The following UBXN7 variants were observed in gnomAD, a reference collection of about 807,000 sequenced individuals.
UBXN7 encodes UBX domain-containing protein 7.
A neutral mutation model predicts 58.0 loss-of-function variants in UBXN7; 9 were observed. The observed-to-expected ratio is 0.16, with a 90% confidence interval of 0.09 to 0.27. UBXN7 has a LOEUF of 0.27. Among genes scored for constraint, UBXN7 ranks in the 10% least tolerant of loss-of-function variants. The pLI is 1.00. For synonymous variants in UBXN7, 208 were observed against 205.0 expected (o/e 1.01, Z -0.12); for missense variants, 328 against 599.6 (o/e 0.55, Z 4.73).
chr3:196,432,257 G>A (rs757610036), intron 1 of UBXN7, 70 bp downstream of exon 1: 8 of 1,590,374 alleles, frequency 5.0e-6, no homozygotes, highest in Non-Finnish European at 6.0e-6. Flanking sequence ...GAAGGTAAGG[G>A]GAAGCCCGGG....
chr3:196,377,834 C>A (rs1729080431), intron 5 of UBXN7, among the ~76,000 whole-genome samples: 1 of 151,886 alleles, frequency 6.6e-6, no homozygotes, highest in Non-Finnish European at 1.5e-5. Flanking sequence ...CCACGTCCAG[C>A]TAATTTTTTC....
chr3:196,392,577 C>T (rs555138852), intron 4 of UBXN7, among the ~76,000 whole-genome samples: 15 of 150,334 alleles, frequency 1.0e-4, no homozygotes, highest in South Asian at 2.1e-4. Context: ...CTGAGATGTG[C>T]GGATCACCTG....
intron 5 of UBXN7, among the ~76,000 whole-genome samples, chr3:196,388,328 C>T (rs911869957): frequency 4.0e-5 from 6 of 150,606 alleles, no homozygotes; most frequent in African/African-American, 1.5e-4. Flanking sequence ...GGAGGGATAG[C>T]ATTAGGAGAA....
At chr3:196,428,093 C>T (rs1405220872) in intron 1 of UBXN7, among the ~76,000 whole-genome samples, 5 of 152,128 alleles carry the variant, frequency 3.3e-5, no homozygotes, top group Non-Finnish European at 5.9e-5. Context: ...CACTGCACTC[C>T]AGCCTGGGTG....
In UBXN7 at chr3:196,355,985, A is replaced by G. The variant is rs534035641; in HGVS notation, c.*700T>C. 112 of 152,670 alleles carry G rather than the reference A, an allele frequency of 7.3e-4. No homozygotes were observed. The highest frequency in any genetic ancestry group is 5.9e-4 in the Non-Finnish European group (40 of 68,050). The allele number at this position is 152,670 out of a possible 1,614,324, so 9.5% of individuals were successfully genotyped here. ...AAAACTGTCTCAGGTTAGGACAATGAAAGTCACCCCATGCTATATGCTCCA... is the reference window on the plus strand; with the variant it reads ...AAAACTGTCTCAGGTTAGGACAATGGAAGTCACCCCATGCTATATGCTCCA... On this transcript the variant is annotated 3_prime_UTR_variant, in exon 11 of 11. Coordinates refer to ENST00000296328, the MANE Select transcript of UBXN7 (RefSeq NM_015562.2).
chr3:196,386,361 A>G (rs1729396198), intron 5 of UBXN7, among the ~76,000 whole-genome samples: 1 of 139,402 alleles, frequency 7.2e-6, no homozygotes. Context: ...AGAAACACCC[A>G]AGAATGATTA....
At chr3:196,409,538 T>TA (rs1291492684) in intron 1 of UBXN7, among the ~76,000 whole-genome samples, 1 of 152,080 alleles carries the variant, frequency 6.6e-6, no homozygotes, top group African/African-American at 2.4e-5. Flanking sequence ...CCTAAGAGGA[T>TA]ATGATTTGAC....
intron 8 of UBXN7, among the ~76,000 whole-genome samples, chr3:196,363,201 CACATACATACATACATACAT>C (rs558530730): frequency 4.3e-5 from 6 of 139,230 alleles, no homozygotes; most frequent in South Asian, 2.5e-4. Context: ...CCGCACCTGG[CACATACATACATACATACAT>C]ACATACATAC....
At chr3:196,385,645 C>G (rs1380763226) in intron 5 of UBXN7, among the ~76,000 whole-genome samples, 1 of 152,112 alleles carries the variant, frequency 6.6e-6, no homozygotes, top group Non-Finnish European at 1.5e-5. Context: ...AGGAGCCTCT[C>G]TGACCGGCCG....
intron 5 of UBXN7, among the ~76,000 whole-genome samples, chr3:196,373,348 C>T (rs1273096485): frequency 6.6e-6 from 1 of 152,268 alleles, no homozygotes; most frequent in South Asian, 2.1e-4. Context: ...ATCGTTAGTG[C>T]GTACTTTTTG....
chr3:196,370,275 T>G (rs200047569), intron 6 of UBXN7, among the ~76,000 whole-genome samples: 1 of 105,876 alleles, frequency 9.4e-6, no homozygotes, highest in South Asian at 3.2e-4. Flanking sequence ...TTTTTTGTTT[T>G]TTTTTGTTTG....
At chr3:196,380,304 T>C (rs1272992356) in intron 5 of UBXN7, among the ~76,000 whole-genome samples, 1 of 150,330 alleles carries the variant, frequency 6.7e-6, no homozygotes, top group African/African-American at 2.4e-5. Flanking sequence ...AGCCACTCCA[T>C]AGGCAGAGGA....
chr3:196,427,155 C>A (rs537998638), intron 1 of UBXN7, among the ~76,000 whole-genome samples: 1 of 152,304 alleles, frequency 6.6e-6, no homozygotes, highest in East Asian at 1.9e-4. Context: ...CTCACCTTCA[C>A]TCCATGAATT....
At position 196,371,264 on chromosome 3, in the gene UBXN7, G is replaced by T. The variant is rs567469580; in HGVS notation, c.615+632C>A. 1.3e-4 allele frequency among the ~76,000 whole-genome samples: 20 copies of T among 152,280 alleles called. No homozygotes were observed. In the East Asian group the frequency reaches 3.1e-3, roughly 23 times the overall value. ...TTGCTACTCCAAATGGAGAAGGGGTGTAAGTATAAAATACAAACCATATCT... is the reference window on the plus strand; with the variant it reads ...TTGCTACTCCAAATGGAGAAGGGGTTTAAGTATAAAATACAAACCATATCT... On this transcript the variant is annotated intron_variant, in intron 6 of 10. Transcript: ENST00000296328.
chr3:196,403,228 G>A (rs1465651273), intron 2 of UBXN7, among the ~76,000 whole-genome samples: 1 of 152,098 alleles, frequency 6.6e-6, no homozygotes, highest in East Asian at 1.9e-4. Context: ...CACGATCTTG[G>A]CTCACTGCAA....
In UBXN7 at chr3:196,428,252, T is replaced by C. The variant is rs184225121; in HGVS notation, c.73+4075A>G. On this transcript the variant is annotated intron_variant, in intron 1 of 10. Coordinates refer to ENST00000296328, the MANE Select transcript of UBXN7 (RefSeq NM_015562.2). ...GGCTACCTGCTTATCAGTCTGACCA[T>C]GCAAAAAAGGTTTGTAGCATAATGT... 3.3e-5 allele frequency among the ~76,000 whole-genome samples: 5 copies of C among 152,214 alleles called. No individual in the cohort carries two copies. In the East Asian group the frequency reaches 7.7e-4, roughly 23 times the overall value.
chr3:196,421,540 G>C (rs1730685284), intron 1 of UBXN7, among the ~76,000 whole-genome samples: 1 of 152,152 alleles, frequency 6.6e-6, no homozygotes, highest in East Asian at 1.9e-4. Flanking sequence ...GGGAGGCTGA[G>C]GCAGGTGGAT....
Position 196,369,529 on chromosome 3 carries a change from T to TG in UBXN7, c.616-19_616-18insC. The TG allele has an allele frequency of 7.0e-7, 1 of 1,436,558 alleles. No homozygotes were observed. Among genetic ancestry groups the TG allele is most frequent in the Non-Finnish European group, 9.4e-7 (1 of 1,060,986 alleles). 89.0% of individuals were successfully genotyped at this position (1,436,558 alleles called of 1,614,324 possible). On this transcript the variant is annotated intron_variant, in intron 6 of 10. Coordinates refer to ENST00000296328, the MANE Select transcript of UBXN7 (RefSeq NM_015562.2). ...TGATAAACCTGTTAAATCATTGATA[T>TG]AAAAAAAAAAGTCAGCCTCTAAGAA...
intron 1 of UBXN7, among the ~76,000 whole-genome samples, chr3:196,420,837 C>T (rs577099158): frequency 4.8e-4 from 73 of 152,320 alleles, no homozygotes; most frequent in Non-Finnish European, 1.8e-4. Flanking sequence ...ATTGTCTACA[C>T]TACTCTCAGT....
Sources: allele counts gnomAD v4.1 joint callset (sites outside exome capture counted in the v4.1 genomes callset), GRCh38; gene constraint gnomAD v4.1.1; transcripts MANE v1.5; gene names NCBI Gene and HGNC (gene_info 2026-07-23, HGNC 2026-07-21).